Variants in TENT4A observed in about 807,000 individuals in gnomAD.
The protein encoded by TENT4A is terminal nucleotidyltransferase 4A.
TENT4A carries 7 observed loss-of-function variants against 72.8 expected under a neutral mutation model. That is an observed-to-expected ratio of 0.10 (90% CI 0.05 to 0.18). The LOEUF is 0.18. Ranked by LOEUF, TENT4A falls within the 10% of genes least tolerant of loss-of-function variation. The pLI is 1.00. For synonymous variants in TENT4A, 456 were observed against 434.3 expected, an observed-to-expected ratio of 1.05 and a Z score of -0.62; for missense variants, 831 against 1,017.7, an observed-to-expected ratio of 0.82 and a Z score of 2.50.
chr5:6,715,159 T>G (rs1211022109), intron 1 of TENT4A: 1 of 152,316 alleles, frequency 6.6e-6, no homozygotes, highest in Admixed American at 6.5e-5. Context: ...TTAAAAAAAT[T>G]TAACTGTCAA....
rs764680465 is a variant in TENT4A, at chr5:6,746,170, C to T, written c.1246-44C>T. On this transcript the variant is annotated intron_variant, in intron 6 of 12. Transcript: ENST00000230859. ...TCGTCGCGTGCTATTTTCTTTAGAACATGCCATGAATCCATACAAATTGTG... is the reference window on the plus strand; with the variant it reads ...TCGTCGCGTGCTATTTTCTTTAGAATATGCCATGAATCCATACAAATTGTG... 5.0e-6 allele frequency: 8 copies of T among 1,613,714 alleles called. No homozygotes were observed. The South Asian group carries it at 6.6e-5, about 13-fold the overall frequency.
At position 6,756,872 on chromosome 5, in the gene TENT4A, T is replaced by C. The variant is rs767175071; in HGVS notation, c.*1927T>C. Reference sequence around the variant, plus strand: ...CAGGTACCATGTTCCATTTCCGTCATGGTGAAGCAAATGAATTGGCCTGGC... The same window carrying C: ...CAGGTACCATGTTCCATTTCCGTCACGGTGAAGCAAATGAATTGGCCTGGC... On this transcript the variant is annotated 3_prime_UTR_variant, in exon 13 of 13. Transcript: ENST00000230859. The C allele has an allele frequency of 2.2e-4, 34 of 152,614 alleles. No individual in the cohort carries two copies. Among genetic ancestry groups the C allele is most frequent in the Non-Finnish European group, 3.4e-4 (23 of 68,024 alleles). 9.5% of individuals were successfully genotyped at this position (152,614 alleles called of 1,614,324 possible).
At chr5:6,751,660 G>A (rs953443231) in intron 11 of TENT4A, among the ~76,000 whole-genome samples, 1 of 152,170 alleles carries the variant, frequency 6.6e-6, no homozygotes, top group Non-Finnish European at 1.5e-5. Flanking sequence ...GGCTTTTTCT[G>A]TTGGAATATA....
At chr5:6,729,401 A>T (rs1741094134) in intron 1 of TENT4A, among the ~76,000 whole-genome samples, 2 of 152,278 alleles carry the variant, frequency 1.3e-5, no homozygotes, top group Non-Finnish European at 2.9e-5. Flanking sequence ...CCAAAAGATG[A>T]TGCTCACTTA....
At chr5:6,716,166 T>C (rs924743824) in intron 1 of TENT4A, among the ~76,000 whole-genome samples, 1 of 152,182 alleles carries the variant, frequency 6.6e-6, no homozygotes, top group Non-Finnish European at 1.5e-5. Context: ...CCGAGCTGTT[T>C]CCTCCAGGTA....
Position 6,754,996 on chromosome 5 carries a change from G to A in TENT4A, c.*51G>A. On this transcript the variant is annotated 3_prime_UTR_variant, in exon 13 of 13. Transcript: ENST00000230859. ...CCACCCCTCTGCAGACTGCCCCGCG[G>A]CCTCGGCCACCGGCAGGGGAACCGA... The A allele has an allele frequency of 1.4e-6, 2 of 1,467,440 alleles. No homozygotes were observed. The highest frequency in any genetic ancestry group is 1.8e-6 in the Non-Finnish European group (2 of 1,100,222). 90.9% of individuals were successfully genotyped at this position (1,467,440 alleles called of 1,614,324 possible). A position where few individuals can be genotyped will look rare whatever the true frequency, so the allele number is the denominator to read the frequency against.
intron 2 of TENT4A, 65 bp downstream of exon 2, chr5:6,737,698 T>C: frequency 6.5e-7 from 1 of 1,533,346 alleles, no homozygotes; most frequent in Non-Finnish European, 8.9e-7. Context: ...TACCCTGTGA[T>C]GATGATGTGT....
At chr5:6,735,269 ACTC>A (rs1741421289) in intron 1 of TENT4A, among the ~76,000 whole-genome samples, 1 of 150,844 alleles carries the variant, frequency 6.6e-6, no homozygotes, top group African/African-American at 2.5e-5. Flanking sequence ...AAATTTCTCT[ACTC>A]CTGTTATTAT....
chr5:6,737,881 G>A (rs945941469), intron 2 of TENT4A, among the ~76,000 whole-genome samples: 3 of 151,548 alleles, frequency 2.0e-5, no homozygotes, highest in African/African-American at 4.8e-5. Context: ...ACTCAAGTGC[G>A]AAGACCATCG....
chr5:6,742,976 G>A (rs779293103), intron 5 of TENT4A, among the ~76,000 whole-genome samples: 1 of 152,162 alleles, frequency 6.6e-6, no homozygotes, highest in Non-Finnish European at 1.5e-5. Flanking sequence ...CAGTGCCTGA[G>A]GATGGGCAGA....
chr5:6,752,564 G>C (rs1742463494), intron 11 of TENT4A, among the ~76,000 whole-genome samples: 1 of 152,238 alleles, frequency 6.6e-6, no homozygotes, highest in South Asian at 2.1e-4. Context: ...TGAGTAGGGG[G>C]TTCACCACGG....
intron 9 of TENT4A, 47 bp from the exon 10 acceptor site, chr5:6,750,284 C>A (rs376596947): frequency 1.3e-6 from 2 of 1,517,162 alleles, no homozygotes; most frequent in South Asian, 1.3e-5. Flanking sequence ...GGCGGCTCCA[C>A]GCCGCAGTTC....
At chr5:6,751,492 C>A (rs369362447) in intron 11 of TENT4A, 76 of 347,248 alleles carry the variant, frequency 2.2e-4, no homozygotes, top group African/African-American at 1.4e-3. Flanking sequence ...AGACTGCTGT[C>A]GAGGGTCATC....
At position 6,746,201 on chromosome 5, in the gene TENT4A, A is replaced by G; in HGVS notation, c.1246-13A>G. ...ATGAATCCATACAAATTGTGGGTGCATTGCTTTTACAGTTGCATCCAAGAA... is the reference window on the plus strand; with the variant it reads ...ATGAATCCATACAAATTGTGGGTGCGTTGCTTTTACAGTTGCATCCAAGAA... On this transcript the variant is annotated splice_polypyrimidine_tract_variant and intron_variant, in intron 6 of 12. Transcript: ENST00000230859. 1.2e-6 allele frequency: 2 copies of G among 1,614,154 alleles called. No individual in the cohort carries two copies. The highest frequency in any genetic ancestry group is 1.1e-5 in the South Asian group (1 of 91,056).
At chr5:6,721,046 C>T in intron 1 of TENT4A, among the ~76,000 whole-genome samples, 1 of 152,206 alleles carries the variant, frequency 6.6e-6, no homozygotes, top group East Asian at 1.9e-4. Flanking sequence ...TCTGTCCCTT[C>T]CTGAGCCCCC....
At chr5:6,730,573 A>G (rs914915785) in intron 1 of TENT4A, among the ~76,000 whole-genome samples, 2 of 152,090 alleles carry the variant, frequency 1.3e-5, no homozygotes, top group Non-Finnish European at 2.9e-5. Context: ...CCTTCCCCTT[A>G]CACGTGAGCC....
intron 1 of TENT4A, among the ~76,000 whole-genome samples, chr5:6,736,790 T>G (rs533039806): frequency 1.6e-4 from 24 of 152,358 alleles, no homozygotes; most frequent in Middle Eastern, 3.4e-3. Flanking sequence ...TTTAGAGCTT[T>G]GTTAAGAGAG....
chr5:6,738,666 A>C lies in TENT4A; in HGVS notation c.841-17A>C. ...GGTTTGTGGTATACATTTTAAGGCA[A>C]CCACTCTTTCTTTCAGGTACAGATA... On this transcript the variant is annotated splice_polypyrimidine_tract_variant and intron_variant, in intron 2 of 12. Coordinates refer to ENST00000230859, the MANE Select transcript of TENT4A (RefSeq NM_006999.6). The C allele has an allele frequency of 6.2e-7, 1 of 1,606,394 alleles. No individual in the cohort carries two copies. The highest frequency in any genetic ancestry group is 1.3e-5 in the African/African-American group (1 of 74,818).
At chr5:6,738,847 G>T (rs933425302) in intron 3 of TENT4A, 118 bp downstream of exon 3, 2 of 759,462 alleles carry the variant, frequency 2.6e-6, no homozygotes, top group Non-Finnish European at 4.6e-6. Flanking sequence ...GCCAGCTAAA[G>T]GAAAAGACTG....
Sources: allele counts gnomAD v4.1 joint callset (sites outside exome capture counted in the v4.1 genomes callset), GRCh38; gene constraint gnomAD v4.1.1; transcripts MANE v1.5; gene names NCBI Gene and HGNC (gene_info 2026-07-23, HGNC 2026-07-21).